Variants in PIK3C2A observed in about 807,000 individuals in gnomAD.
PIK3C2A encodes the protein phosphatidylinositol 4-phosphate 3-kinase C2 domain-containing subunit alpha.
In PIK3C2A, 97 loss-of-function variants were observed where a neutral mutation model predicts 204.5. The ratio of observed to expected loss-of-function variants is 0.47; its 90% CI spans 0.40 to 0.56. PIK3C2A has a LOEUF of 0.56. Among genes scored for constraint, PIK3C2A ranks in the 20% least tolerant of loss-of-function variants. The pLI is 0.00. For synonymous variants in PIK3C2A, 653 were observed against 664.4 expected (o/e 0.98, Z 0.26); for missense variants, 1,735 against 1,969.2 (o/e 0.88, Z 2.25).
chr11:17,129,509 A>G lies in PIK3C2A; in HGVS notation c.2232-42T>C, dbSNP rs772425516. 3 of 1,296,106 alleles carry G rather than the reference A, an allele frequency of 2.3e-6. No individual in the cohort carries two copies. In the South Asian group the frequency reaches 3.8e-5, roughly 16 times the overall value. The allele number at this position is 1,296,106 out of a possible 1,614,324, so 80.3% of individuals were successfully genotyped here. A position where few individuals can be genotyped will look rare whatever the true frequency, so the allele number is the denominator to read the frequency against. ...GTATTAATAGAACAAATTAGATTGA[A>G]TGATTTTGAAATTTAACACTTTAAT... On this transcript the variant is annotated intron_variant, in intron 12 of 32. Coordinates refer to ENST00000691414, the MANE Select transcript of PIK3C2A (RefSeq NM_002645.4).
Position 17,119,872 on chromosome 11 carries a change from T to C in PIK3C2A, c.2760A>G (p.Lys920=). 1.2e-6 allele frequency: 2 copies of C among 1,612,066 alleles called. No homozygotes were observed. Among genetic ancestry groups the C allele is most frequent in the Non-Finnish European group, 8.5e-7 (1 of 1,178,950 alleles). Residue 920 remains lysine (K), a synonymous_variant, in exon 16 of 33, where the codon AAA becomes AAG. Coordinates refer to ENST00000691414, the MANE Select transcript of PIK3C2A (RefSeq NM_002645.4). The part of the protein sequence containing the change: ...PKILASAPNW[K]WVNLAKTYSL... Reference sequence around the variant, plus strand: ...AGTAAGTTTTGGCAAGATTAACCCATTTCCAGTTTGGGGCGCTTGCTAATA... The same window carrying C: ...AGTAAGTTTTGGCAAGATTAACCCACTTCCAGTTTGGGGCGCTTGCTAATA...
Position 17,092,056 on chromosome 11 carries a change from A to G in PIK3C2A, c.4582T>C (p.Cys1528Arg). ...CGAAGTAAAGGGTGGAAGAAAGTAC[A>G]AACAAGATCACACTAAGAATAAAGA... is the stretch of plus-strand genomic sequence containing the variant. ...STDVAECDLV[C>R]TFFHPLLRDE... Residue 1528 changes from cysteine (C) to arginine (R), a missense_variant, in exon 30 of 33, where the codon TGT becomes CGT. Cys to Arg is a radical substitution (Grantham distance 180). Coordinates refer to ENST00000691414, the MANE Select transcript of PIK3C2A (RefSeq NM_002645.4). The G allele has an allele frequency of 6.2e-7, 1 of 1,607,914 alleles. No homozygotes were observed. The highest frequency in any genetic ancestry group is 8.5e-7 in the Non-Finnish European group (1 of 1,174,390).
chr11:17,105,811 A>C (rs1848792268), intron 22 of PIK3C2A, among the ~76,000 whole-genome samples: 1 of 152,108 alleles, frequency 6.6e-6, no homozygotes. Flanking sequence ...TGTTACCTTC[A>C]AAAAAATTCA....
At chr11:17,112,712 A>G in intron 20 of PIK3C2A, 46 bp from the exon 21 acceptor site, 1 of 1,018,782 alleles carries the variant, frequency 9.8e-7, no homozygotes, top group Non-Finnish European at 1.4e-6. Context: ...ATGAAAATGG[A>G]TTTAGAATTT....
chr11:17,177,376 G>T (rs999937338), intron 1 of PIK3C2A, among the ~76,000 whole-genome samples: 1 of 152,134 alleles, frequency 6.6e-6, no homozygotes, highest in Non-Finnish European at 1.5e-5. Flanking sequence ...GCAGTTGAAT[G>T]AATGGATCAA....
At chr11:17,180,515 C>CAA (rs1340003870) in intron 1 of PIK3C2A, among the ~76,000 whole-genome samples, 17 of 139,786 alleles carry the variant, frequency 1.2e-4, no homozygotes, top group Admixed American at 4.3e-4. Context: ...ACAACAACAA[C>CAA]AACAACAAAA....
At chr11:17,188,490 G>A (rs892154034) in intron 1 of PIK3C2A, among the ~76,000 whole-genome samples, 2 of 147,242 alleles carry the variant, frequency 1.4e-5, no homozygotes, top group Non-Finnish European at 2.9e-5. Flanking sequence ...ACGTACTGTA[G>A]ATGGGGATAA....
intron 22 of PIK3C2A, among the ~76,000 whole-genome samples, chr11:17,109,951 A>AT (rs1555017923): frequency 6.6e-6 from 1 of 151,848 alleles, no homozygotes; most frequent in Non-Finnish European, 1.5e-5. Context: ...GGTTAAAAAA[A>AT]TTTTTTTTTA....
Position 17,117,807 on chromosome 11 carries a change from G to A in PIK3C2A, c.3036-136C>T, listed in dbSNP as rs547304136. 711 of 502,958 alleles carry A rather than the reference G, an allele frequency of 1.4e-3. 6 individuals are homozygous for A. The highest frequency in any genetic ancestry group is 0.013 in the African/African-American group (592 of 45,050). The allele number at this position is 502,958 out of a possible 1,614,324, so 31.2% of individuals were successfully genotyped here. Reference sequence around the variant, plus strand: ...CGGCTCACTGCAAGCTCTGCCTCCCGGGTTCACGCCATTCTCCTGCCTCAG... The same window carrying A: ...CGGCTCACTGCAAGCTCTGCCTCCCAGGTTCACGCCATTCTCCTGCCTCAG... On this transcript the variant is annotated intron_variant, in intron 18 of 32. Coordinates refer to ENST00000691414, the MANE Select transcript of PIK3C2A (RefSeq NM_002645.4).
intron 1 of PIK3C2A, chr11:17,193,916 A>AGAAAAGAAAAGAAAAGAAAAGAAAAG (rs1565305968): frequency 3.7e-6 from 1 of 273,556 alleles, no homozygotes; most frequent in African/African-American, 2.3e-5. Context: ...AGAAAAGAAA[A>AGAAAAGAAAAGAAAAGAAAAGAAAAG]GAAACCCCGA....
chr11:17,101,128 GC>G (rs1366775610), intron 25 of PIK3C2A, 149 bp downstream of exon 25: 1 of 461,836 alleles, frequency 2.2e-6, no homozygotes, highest in Non-Finnish European at 3.8e-6. Flanking sequence ...ATTTCACACG[GC>G]AGTAAGTTTA....
chr11:17,150,306 T>C (rs933917832), intron 4 of PIK3C2A, among the ~76,000 whole-genome samples, 192 bp downstream of exon 4: 4 of 152,226 alleles, frequency 2.6e-5, no homozygotes, highest in African/African-American at 9.6e-5. Flanking sequence ...AAAAGTTACT[T>C]AGCACTTTTC....
intron 2 of PIK3C2A, among the ~76,000 whole-genome samples, chr11:17,163,583 A>AT (rs970003298): frequency 9.5e-5 from 14 of 147,820 alleles, no homozygotes; most frequent in South Asian, 4.3e-4. Context: ...ACACACAGCT[A>AT]TTTTTTTTTT....
chr11:17,110,702 G>C (rs1040691912), intron 21 of PIK3C2A, 141 bp from the exon 22 acceptor site: 11 of 606,682 alleles, frequency 1.8e-5, no homozygotes, highest in Non-Finnish European at 3.0e-5. Flanking sequence ...GATCAGCCTG[G>C]CCAACATGGT....
At chr11:17,136,070 TCTACAGGAAGTATTAG>T (rs1436225445) in intron 9 of PIK3C2A, among the ~76,000 whole-genome samples, 1 of 152,212 alleles carries the variant, frequency 6.6e-6, no homozygotes, top group African/African-American at 2.4e-5. Context: ...CTTGGTCTTT[TCTACAGGAAGTATTAG>T]CCACTTCCCC....
At chr11:17,137,926 A>AT (rs934203094) in intron 8 of PIK3C2A, 3 of 417,086 alleles carry the variant, frequency 7.2e-6, no homozygotes, top group Non-Finnish European at 8.9e-6. Flanking sequence ...CTGCCTTCTA[A>AT]TTTTTTTAAA....
chr11:17,121,993 T>A (rs1220647570), intron 15 of PIK3C2A, among the ~76,000 whole-genome samples, 195 bp downstream of exon 15: 2 of 149,724 alleles, frequency 1.3e-5, no homozygotes, highest in African/African-American at 4.9e-5. Flanking sequence ...ACTTAAATAC[T>A]AGCTGGCCCT....
At chr11:17,136,843 T>C (rs934111952) in intron 8 of PIK3C2A, among the ~76,000 whole-genome samples, 3 of 152,228 alleles carry the variant, frequency 2.0e-5, no homozygotes, top group African/African-American at 7.2e-5. Context: ...ACACAATTAT[T>C]CATATGCAAA....
At chr11:17,098,074 C>A (rs1848505305) in intron 26 of PIK3C2A, among the ~76,000 whole-genome samples, 3 of 152,130 alleles carry the variant, frequency 2.0e-5, no homozygotes, top group Admixed American at 2.0e-4. Context: ...GAAAGTAGGT[C>A]TGGAAAGAAC....
Sources: gnomAD v4.1 joint callset for allele counts (sites outside exome capture counted in the v4.1 genomes callset) on GRCh38, gnomAD v4.1.1 for gene constraint, MANE v1.5 for transcripts, NCBI Gene and HGNC (gene_info 2026-07-23, HGNC 2026-07-21) for gene names.